Variants in TPO observed in about 807,000 individuals in gnomAD.
TPO encodes thyroid microsomal antigen.
In TPO, 78 loss-of-function variants were observed where a neutral mutation model predicts 96.9. The ratio of observed to expected loss-of-function variants is 0.81; its 90% confidence interval spans 0.67 to 0.97. The LOEUF (loss-of-function observed/expected upper bound fraction) is 0.97, where lower values mean the gene tolerates loss of function less well. Ranked by LOEUF, TPO falls within the 50% of genes least tolerant of loss-of-function variation. The probability of loss-of-function intolerance (pLI) is 0.00; values close to 1 mark genes in which losing one functional copy is unlikely to be tolerated. For missense variants in TPO, 1,252 were observed against 1,274.8 expected, an observed-to-expected ratio of 0.98 and a Z score of 0.27; for synonymous variants, 547 against 538.0, an observed-to-expected ratio of 1.02 and a Z score of -0.23.
chr2:1,374,725 CTTT>C (rs11292664), intron 1 of TPO, among the ~76,000 whole-genome samples: 13 of 136,752 alleles, frequency 9.5e-5, no homozygotes, highest in East Asian at 2.1e-4. Flanking sequence ...TTCTTTCTTT[CTTT>C]TTTTTTTTTT....
chr2:1,438,703 C>T (rs925912883), intron 5 of TPO: 71 of 654,530 alleles, frequency 1.1e-4, no homozygotes, highest in Non-Finnish European at 1.4e-4. Flanking sequence ...TGGGGAATCC[C>T]TGAGCAAAGC....
chr2:1,499,985 G>A lies in TPO; in HGVS notation c.2386+3220G>A, dbSNP rs190048223. 5.3e-5 allele frequency among the ~76,000 whole-genome samples: 8 copies of A among 152,362 alleles called. No homozygotes were observed. In the South Asian group the frequency reaches 1.0e-3, roughly 20 times the overall value. On this transcript the variant is annotated intron_variant, in intron 13 of 16. Coordinates refer to ENST00000329066, the MANE Select transcript of TPO (RefSeq NM_001206744.2). ...TTAACACTGTGAGTGCTCAGGAGCC[G>A]TGTTCTGAATGCTGGGACAGCCACA...
At chr2:1,509,973 C>T (rs767760228) in intron 14 of TPO, among the ~76,000 whole-genome samples, 5 of 148,514 alleles carry the variant, frequency 3.4e-5, no homozygotes, top group East Asian at 4.1e-4. Flanking sequence ...GATACCCTCT[C>T]GTTTCAGGGA....
intron 7 of TPO, 62 bp downstream of exon 7, chr2:1,456,344 C>A: frequency 6.5e-7 from 1 of 1,545,880 alleles, no homozygotes; most frequent in Non-Finnish European, 8.9e-7. Context: ...AAACGTCAAA[C>A]AGAATGGTAT....
At chr2:1,407,594 T>C (rs1371714076) in intron 1 of TPO, among the ~76,000 whole-genome samples, 2 of 152,178 alleles carry the variant, frequency 1.3e-5, no homozygotes, top group East Asian at 1.9e-4. Context: ...GATGCAGGCA[T>C]TTCAGGAAAG....
intron 14 of TPO, among the ~76,000 whole-genome samples, chr2:1,516,540 T>C (rs28913009): frequency 0.014 from 2,199 of 152,254 alleles, 67 homozygotes; most frequent in East Asian, 0.13. Context: ...GGTCCTGTGG[T>C]CCACTCCGAG....
intron 6 of TPO, 58 bp from the exon 7 acceptor site, chr2:1,456,018 A>G: frequency 1.3e-6 from 2 of 1,550,252 alleles, no homozygotes; most frequent in East Asian, 2.3e-5. Context: ...CCAAAGGGTC[A>G]TCTTTCTGCT....
intron 14 of TPO, among the ~76,000 whole-genome samples, chr2:1,506,828 G>T (rs897995217): frequency 4.6e-5 from 7 of 152,180 alleles, no homozygotes; most frequent in African/African-American, 1.7e-4. Context: ...CTCCCATTCT[G>T]TAGGTTGCCT....
rs865945336 is a variant in TPO, at chr2:1,542,538, C to T, written c.*64C>T. On this transcript the variant is annotated 3_prime_UTR_variant, in exon 17 of 17. Coordinates refer to ENST00000329066, the MANE Select transcript of TPO (RefSeq NM_001206744.2). The stretch of plus-strand genomic sequence containing the variant: ...CCCAAAATCACCGTACGACTCTTTT[C>T]CAAACACAGGCAAATCCGAAATCAG... 1 of 1,608,424 alleles carries T rather than the reference C, an allele frequency of 6.2e-7. No individual in the cohort carries two copies. Among genetic ancestry groups the T allele is most frequent in the Non-Finnish European group, 8.5e-7 (1 of 1,177,312 alleles).
chr2:1,535,045 T>G (rs2125290069), intron 15 of TPO, among the ~76,000 whole-genome samples: 1 of 110,596 alleles, frequency 9.0e-6, no homozygotes, highest in Non-Finnish European at 1.8e-5. Flanking sequence ...CCCCCCACTG[T>G]GTGCAACCTC....
intron 1 of TPO, among the ~76,000 whole-genome samples, chr2:1,400,561 T>A (rs1468819751): frequency 3.3e-5 from 3 of 91,836 alleles, no homozygotes; most frequent in African/African-American, 2.3e-4. Context: ...GAAGTGAGAC[T>A]CTGTCTCAAA....
At chr2:1,403,634 C>G (rs1033738419) in intron 1 of TPO, among the ~76,000 whole-genome samples, 1 of 152,192 alleles carries the variant, frequency 6.6e-6, no homozygotes, top group Admixed American at 6.5e-5. Context: ...GCAGCTGCCC[C>G]CTTACCATGT....
At chr2:1,537,576 AC>A (rs1294108031) in intron 15 of TPO, among the ~76,000 whole-genome samples, 2 of 71,926 alleles carry the variant, frequency 2.8e-5, no homozygotes, top group African/African-American at 1.2e-4. Flanking sequence ...ACTGTGTTCA[AC>A]ACCCCCAAAT....
intron 11 of TPO, among the ~76,000 whole-genome samples, chr2:1,494,461 A>G (rs2124928848): frequency 6.6e-6 from 1 of 152,330 alleles, no homozygotes; most frequent in East Asian, 1.9e-4. Flanking sequence ...TCTAGGCTGG[A>G]CAGGACTTCC....
At chr2:1,494,792 G>A (rs566284011) in intron 11 of TPO, among the ~76,000 whole-genome samples, 15 of 152,270 alleles carry the variant, frequency 9.9e-5, no homozygotes, top group Non-Finnish European at 2.1e-4. Context: ...TCACTGTGCC[G>A]AGGTCAGATT....
At chr2:1,538,866 G>T (rs1680389419) in intron 15 of TPO, among the ~76,000 whole-genome samples, 1 of 152,182 alleles carries the variant, frequency 6.6e-6, no homozygotes, top group South Asian at 2.1e-4. Context: ...AAGGACGAAT[G>T]CGCCTTGCAC....
intron 11 of TPO, among the ~76,000 whole-genome samples, chr2:1,495,684 C>T (rs371120669): frequency 7.4e-4 from 112 of 152,344 alleles, no homozygotes; most frequent in African/African-American, 2.6e-3. Context: ...ACATCTCCTT[C>T]GGGTCCTCAG....
chr2:1,436,191 A>G (rs1665550732), intron 4 of TPO, 61 bp from the exon 5 acceptor site: 4 of 1,613,344 alleles, frequency 2.5e-6, no homozygotes, highest in Non-Finnish European at 3.4e-6. Context: ...CTGCAATAGA[A>G]TATTTGTTAG....
In TPO at chr2:1,487,897, G is replaced by C. The variant is rs1671327056; in HGVS notation, c.1674G>C (p.Glu558Asp). 1 of 1,614,222 alleles carries C rather than the reference G, an allele frequency of 6.2e-7. No individual in the cohort carries two copies. Among genetic ancestry groups the C allele is most frequent in the East Asian group, 2.2e-5 (1 of 44,882 alleles). The change falls in exon 10 of 17, where the codon GAG becomes GAC. Residue 558 changes from glutamate (E) to aspartate (D), a missense_variant. Physicochemically the swap from Glu to Asp is conservative, Grantham distance 45 (BLOSUM62 2). Coordinates refer to ENST00000329066, the MANE Select transcript of TPO (RefSeq NM_001206744.2). ...KLQVQDQLMN[E>D]ELTERLFVLS... ...AGGTGCAGGATCAGCTGATGAACGAGGAGCTGACGGAAAGGCTCTTTGTGC... is the reference window on the plus strand; with the variant it reads ...AGGTGCAGGATCAGCTGATGAACGACGAGCTGACGGAAAGGCTCTTTGTGC...
Sources: allele counts gnomAD v4.1 joint callset (sites outside exome capture counted in the v4.1 genomes callset), GRCh38; gene constraint gnomAD v4.1.1; transcripts MANE v1.5; gene names NCBI Gene and HGNC (gene_info 2026-07-23, HGNC 2026-07-21).